BMP2: variants seen among roughly 807,000 people sequenced by gnomAD.
BMP2 encodes bone morphogenetic protein 2A.
BMP2 carries 2 observed loss-of-function variants against 28.8 expected under a neutral mutation model. That is an observed-to-expected ratio of 0.07 (90% CI 0.03 to 0.22). The LOEUF is 0.22. Among genes scored for constraint, BMP2 ranks in the 10% least tolerant of loss-of-function variants. The pLI is 1.00. For synonymous variants in BMP2, 218 were observed against 204.3 expected (o/e 1.07, Z -0.57); for missense variants, 437 against 517.7 (o/e 0.84, Z 1.51).
rs999846085 is a variant in BMP2 at position 6,768,223 on chromosome 20, G to C, written c.-660G>C. The C allele has an allele frequency of 2.5e-5, 10 of 398,168 alleles. No individual in the cohort carries two copies. The highest frequency in any genetic ancestry group is 4.4e-5 in the Non-Finnish European group (10 of 225,884). The allele number at this position is 398,168 out of a possible 1,614,324, so 24.7% of individuals were successfully genotyped here. ...CCGAGGACGACGGGGCGCCAGAGCC[G>C]CGGTGCTTTCAACTGGCGAGCGCGA... On this transcript the variant is annotated 5_prime_UTR_variant, in exon 1 of 3. Transcript: ENST00000378827.
chr20:6,779,677 C>T lies in BMP2; in HGVS notation c.*588C>T, dbSNP rs1381660839. 6.6e-6 allele frequency: 1 copy of T among 152,612 alleles called. No homozygotes were observed. The highest frequency in any genetic ancestry group is 1.5e-5 in the Non-Finnish European group (1 of 68,032). The allele number at this position is 152,612 out of a possible 1,614,324, so 9.5% of individuals were successfully genotyped here. ...TTCAAGATTATTATATTATTCAATT[C>T]TCAGGAATGTTGCAGAGTGATTGTC... On this transcript the variant is annotated 3_prime_UTR_variant, in exon 3 of 3. Coordinates refer to ENST00000378827, the MANE Select transcript of BMP2 (RefSeq NM_001200.4).
chr20:6,774,554 A>G (rs1031054607), intron 2 of BMP2, among the ~76,000 whole-genome samples: 6 of 152,152 alleles, frequency 3.9e-5, no homozygotes, highest in Non-Finnish European at 7.3e-5. Context: ...ACAAAACAAA[A>G]GACAAGAAAC....
intron 2 of BMP2, among the ~76,000 whole-genome samples, chr20:6,772,364 G>A (rs551633777): frequency 6.6e-6 from 1 of 152,302 alleles, no homozygotes; most frequent in Admixed American, 6.5e-5. Flanking sequence ...AATGCAGTTA[G>A]ATAATGGAGA....
At chr20:6,769,725 C>T (rs1394725451) in intron 1 of BMP2, among the ~76,000 whole-genome samples, 2 of 151,824 alleles carry the variant, frequency 1.3e-5, no homozygotes, top group Non-Finnish European at 2.9e-5. Flanking sequence ...CAGCGCTCAG[C>T]ACTCCGCATT....
In BMP2 at chr20:6,768,100, A is replaced by G. The variant is rs1986290242; in HGVS notation, c.-783A>G. 1 of 398,012 alleles carries G rather than the reference A, an allele frequency of 2.5e-6. No individual in the cohort carries two copies. Among genetic ancestry groups the G allele is most frequent in the Admixed American group, 4.4e-5 (1 of 22,712 alleles). 24.7% of individuals were successfully genotyped at this position (398,012 alleles called of 1,614,324 possible). On this transcript the variant is annotated 5_prime_UTR_variant, in exon 1 of 3. Coordinates refer to ENST00000378827, the MANE Select transcript of BMP2 (RefSeq NM_001200.4). The stretch of plus-strand genomic sequence containing the variant: ...GGTGTGATCGGACCCCAGGCTAGCC[A>G]CAAAGGGCACTTGGCCCCAGGGCTA...
rs535201906 is a variant in BMP2 at position 6,775,383 on chromosome 20, G to A, written c.347-2862G>A. On this transcript the variant is annotated intron_variant, in intron 2 of 2. Coordinates refer to ENST00000378827, the MANE Select transcript of BMP2 (RefSeq NM_001200.4). ...TTCTGTGAACGTCTAACTTACCTCT[G>A]TGACCTGTTTCTGCAACCAGGGGTG... Among the ~76,000 whole-genome samples, 6 of 152,246 alleles carry A rather than the reference G, an allele frequency of 3.9e-5. No homozygotes were observed. The South Asian group carries it at 8.3e-4, about 21-fold the overall frequency.
rs5840158 is a variant in BMP2 at position 6,777,885 on chromosome 20, CTT to C, written c.347-347_347-346del. On this transcript the variant is annotated intron_variant, in intron 2 of 2. Coordinates refer to ENST00000378827, the MANE Select transcript of BMP2 (RefSeq NM_001200.4). ...AGACCTCTACTAACTATAGTGCTGACTTTTTTTTTTTTTTACCCTAAAGTCTG... is the reference window on the plus strand; with the variant it reads ...AGACCTCTACTAACTATAGTGCTGACTTTTTTTTTTTTACCCTAAAGTCTG... Among the ~76,000 whole-genome samples, 224 of 144,366 alleles carry C rather than the reference CTT, an allele frequency of 1.6e-3. 6 individuals carry two copies. In the East Asian group the frequency reaches 0.029, roughly 19 times the overall value. 94.7% of individuals were successfully genotyped at this position (144,366 alleles called of 152,430 possible).
chr20:6,767,794 C>A lies in BMP2; in HGVS notation c.-1089C>A, dbSNP rs1477928795. On this transcript the variant is annotated 5_prime_UTR_variant, in exon 1 of 3. Coordinates refer to ENST00000378827, the MANE Select transcript of BMP2 (RefSeq NM_001200.4). Reference sequence around the variant, plus strand: ...ACACCCCGCCGGGGACTGGCAGCCGCCGCCGCACATCTGCCGCCACAGCCT... The same window carrying A: ...ACACCCCGCCGGGGACTGGCAGCCGACGCCGCACATCTGCCGCCACAGCCT... 1.3e-5 allele frequency: 4 copies of A among 298,290 alleles called. No individual in the cohort carries two copies. The highest frequency in any genetic ancestry group is 2.5e-5 in the Non-Finnish European group (4 of 162,970). 18.5% of individuals were successfully genotyped at this position (298,290 alleles called of 1,614,324 possible).
rs1986541453 is a variant in BMP2 at position 6,778,315 on chromosome 20, C to A, written c.417C>A (p.Ile139=). Residue 139 remains isoleucine, a synonymous_variant, in exon 3 of 3, where the codon ATC becomes ATA. Transcript: ENST00000378827. This position sits in a 1 kb window ranked among gnomAD's most constrained non-coding sequence, Gnocchi z 5.0. ...GATTCTTCTTTAATTTAAGTTCTATCCCCACGGAGGAGTTTATCACCTCAG... is the reference window on the plus strand; with the variant it reads ...GATTCTTCTTTAATTTAAGTTCTATACCCACGGAGGAGTTTATCACCTCAG... The part of the protein sequence containing the change: ...TRRFFFNLSS[I]PTEEFITSAE... 1 of 1,613,888 alleles carries A rather than the reference C, an allele frequency of 6.2e-7. No homozygotes were observed. The highest frequency in any genetic ancestry group is 1.1e-5 in the South Asian group (1 of 91,038).
In BMP2 at chr20:6,768,506, C is replaced by T. The variant is rs1568546970; in HGVS notation, c.-377C>T. On this transcript the variant is annotated 5_prime_UTR_variant, in exon 1 of 3. Transcript: ENST00000378827. ...CAGCTTCTCCTTTCTCCCTTCCCTT[C>T]CCTGCCCCGCACTCCTCCCCCTGCT... 7.6e-6 allele frequency: 3 copies of T among 393,338 alleles called. No individual in the cohort carries two copies. The highest frequency in any genetic ancestry group is 1.3e-5 in the Non-Finnish European group (3 of 223,082). The allele number at this position is 393,338 out of a possible 1,614,324, so 24.4% of individuals were successfully genotyped here.
At position 6,779,612 on chromosome 20, in the gene BMP2, A is replaced by C. The variant is rs1450603602; in HGVS notation, c.*523A>C. The stretch of plus-strand genomic sequence containing the variant: ...GTGCTACTGTTGAGTTCACAAGTTC[A>C]AGTCCAGAAAAAAAAAGTGGATAAT... On this transcript the variant is annotated 3_prime_UTR_variant, in exon 3 of 3. Transcript: ENST00000378827. 6.6e-6 allele frequency: 1 copy of C among 152,616 alleles called. No homozygotes were observed. Among genetic ancestry groups the C allele is most frequent in the Admixed American group, 6.5e-5 (1 of 15,282 alleles). 9.5% of individuals were successfully genotyped at this position (152,616 alleles called of 1,614,324 possible).
intron 2 of BMP2, among the ~76,000 whole-genome samples, chr20:6,776,013 G>C (rs1339440864): frequency 6.6e-6 from 1 of 152,134 alleles, no homozygotes; most frequent in Admixed American, 6.5e-5. Flanking sequence ...TCAGGTGCTG[G>C]TCTGGCTTTG....
At chr20:6,773,024 G>A (rs1162679118) in intron 2 of BMP2, among the ~76,000 whole-genome samples, 1 of 152,146 alleles carries the variant, frequency 6.6e-6, no homozygotes, top group Admixed American at 6.5e-5. Flanking sequence ...TGACTTCACT[G>A]GCCCTCCAAA....
Position 6,770,253 on chromosome 20 carries a change from T to G in BMP2, c.127T>G (p.Ser43Ala), listed in dbSNP as rs1043311715. 1 of 1,610,660 alleles carries G rather than the reference T, an allele frequency of 6.2e-7. No homozygotes were observed. The highest frequency in any genetic ancestry group is 1.3e-5 in the African/African-American group (1 of 74,926). The part of the protein sequence containing the change: ...FAAASSGRPS[S>A]QPSDEVLSEF... ...GGCGGCGTCGTCGGGCCGCCCCTCA[T>G]CCCAGCCCTCTGACGAGGTCCTGAG... The change falls in exon 2 of 3, where the codon TCC becomes GCC. Residue 43 changes from serine (S) to alanine (A), a missense_variant. Ser to Ala is a moderately conservative substitution (Grantham distance 99). This residue lies in a region of BMP2 where 363 missense variants were observed against 392.8 expected (regional missense o/e 0.92). Coordinates refer to ENST00000378827, the MANE Select transcript of BMP2 (RefSeq NM_001200.4).
chr20:6,770,082 C>T (rs959094654), intron 1 of BMP2, 38 bp from the exon 2 acceptor site: 7 of 1,491,116 alleles, frequency 4.7e-6, no homozygotes, highest in Non-Finnish European at 6.3e-6. Flanking sequence ...GAGGACTGGG[C>T]GGGGAACTCG....
rs1986576566 is a variant in BMP2, at chr20:6,779,332, T to C, written c.*243T>C. The C allele has an allele frequency of 1.2e-5, 2 of 165,630 alleles. No homozygotes were observed. Among genetic ancestry groups the C allele is most frequent in the South Asian group, 4.0e-4 (2 of 4,968 alleles). The allele number at this position is 165,630 out of a possible 1,614,324, so 10.3% of individuals were successfully genotyped here. A position where few individuals can be genotyped will look rare whatever the true frequency, so the allele number is the denominator to read the frequency against. ...ATTCCTTAAAGATTTAAAATGTATT[T>C]AGTTGTACATTTTATATGGGTTCAA... On this transcript the variant is annotated 3_prime_UTR_variant, in exon 3 of 3. Transcript: ENST00000378827.
chr20:6,770,774 T>G (rs999295067), intron 2 of BMP2, among the ~76,000 whole-genome samples: 3 of 152,164 alleles, frequency 2.0e-5, no homozygotes, highest in South Asian at 4.1e-4. Flanking sequence ...AAGGCATGCC[T>G]CTAGTCAGCT....
chr20:6,770,714 C>T (rs1246199688), intron 2 of BMP2, among the ~76,000 whole-genome samples: 1 of 152,190 alleles, frequency 6.6e-6, no homozygotes, highest in East Asian at 1.9e-4. Context: ...AAGAGCTACT[C>T]CTCCTGGAAG....
rs1986301924 is a variant in BMP2 at position 6,768,368 on chromosome 20, G to T, written c.-515G>T. On this transcript the variant is annotated 5_prime_UTR_variant, in exon 1 of 3. Coordinates refer to ENST00000378827, the MANE Select transcript of BMP2 (RefSeq NM_001200.4). ...CCAGGATGGCTGCCCCGAGCCATGG[G>T]CCGCGGCGGAGCTAGCGCGGAGCGC... is the stretch of plus-strand genomic sequence containing the variant. 2.5e-6 allele frequency: 1 copy of T among 396,748 alleles called. No individual in the cohort carries two copies. Among genetic ancestry groups the T allele is most frequent in the Non-Finnish European group, 4.4e-6 (1 of 225,062 alleles). The allele number at this position is 396,748 out of a possible 1,614,324, so 24.6% of individuals were successfully genotyped here.
Sources: gnomAD v4.1 joint callset for allele counts (sites outside exome capture counted in the v4.1 genomes callset) on GRCh38, gnomAD v4.1.1 for gene constraint, gnomAD v4.1.1 regional missense constraint, Gnocchi (gnomAD v3.1) non-coding constraint, MANE v1.5 for transcripts, NCBI Gene and HGNC (gene_info 2026-07-23, HGNC 2026-07-21) for gene names.